Variants in RTN4 observed in about 807,000 individuals in gnomAD.
RTN4 encodes reticulon-4.
RTN4 carries 32 observed loss-of-function variants against 90.4 expected under a neutral mutation model. The ratio of observed to expected loss-of-function variants is 0.35; its 90% CI spans 0.27 to 0.48. The LOEUF is 0.48. Among genes scored for constraint, RTN4 ranks in the 20% least tolerant of loss-of-function variants. The probability of loss-of-function intolerance (pLI) is 0.99; values close to 1 mark genes in which losing one functional copy is unlikely to be tolerated. For synonymous variants in RTN4, 629 were observed against 552.5 expected, an observed-to-expected ratio of 1.14 and a Z score of -1.94; for missense variants, 1,706 against 1,430.2, an observed-to-expected ratio of 1.19 and a Z score of -3.11.
At chr2:54,997,389 G>A (rs757717461) in intron 3 of RTN4, among the ~76,000 whole-genome samples, 1 of 152,150 alleles carries the variant, frequency 6.6e-6, no homozygotes, top group Admixed American at 6.5e-5. Context: ...AAGATTAGAA[G>A]CCTCATAGAT....
At chr2:55,085,217 T>C (rs1027858301) in intron 1 of RTN4, among the ~76,000 whole-genome samples, 1 of 152,198 alleles carries the variant, frequency 6.6e-6, no homozygotes, top group African/African-American at 2.4e-5. Context: ...ACAGGAGATA[T>C]ATACACACAC....
intron 1 of RTN4, among the ~76,000 whole-genome samples, chr2:55,039,517 G>A (rs768117345): frequency 8.5e-5 from 13 of 152,256 alleles, no homozygotes; most frequent in East Asian, 3.9e-4. Flanking sequence ...GGCCAGGCGC[G>A]CTCGCTCACA....
intron 3 of RTN4, among the ~76,000 whole-genome samples, chr2:55,008,900 G>A (rs1187059800): frequency 3.3e-5 from 5 of 152,132 alleles, no homozygotes; most frequent in East Asian, 1.9e-4. Flanking sequence ...AATCTGTAAC[G>A]TCAACGGCTA....
upstream of RTN4, among the ~76,000 whole-genome samples, chr2:55,053,641 A>G: frequency 6.6e-6 from 1 of 151,642 alleles, no homozygotes. Flanking sequence ...AGCCAAGATC[A>G]TGCCATTGCA....
intron 1 of RTN4, among the ~76,000 whole-genome samples, chr2:55,030,773 T>C (rs1682247387): frequency 6.6e-6 from 1 of 152,364 alleles, no homozygotes; most frequent in African/African-American, 2.4e-5. Flanking sequence ...CTTCATCTTC[T>C]GAAGGATGTA....
chr2:55,093,494 T>G (rs1668977468), intron 1 of RTN4, among the ~76,000 whole-genome samples: 1 of 152,034 alleles, frequency 6.6e-6, no homozygotes, highest in East Asian at 1.9e-4. Flanking sequence ...AGGTGTTTAT[T>G]ATGCTGAGGG....
At chr2:55,044,581 TAAAAC>T (rs1207774992) in intron 1 of RTN4, among the ~76,000 whole-genome samples, 2 of 152,166 alleles carry the variant, frequency 1.3e-5, no homozygotes, top group African/African-American at 2.4e-5. Flanking sequence ...TAACTACACA[TAAAAC>T]AAAGCCAATT....
intron 2 of RTN4, among the ~76,000 whole-genome samples, chr2:55,076,185 C>T (rs543653087): frequency 5.9e-5 from 9 of 152,088 alleles, no homozygotes; most frequent in African/African-American, 1.2e-4. Flanking sequence ...TCTATACATC[C>T]GACAAATGAC....
intron 1 of RTN4, among the ~76,000 whole-genome samples, chr2:55,031,337 A>C (rs1421810953): frequency 6.6e-6 from 1 of 152,218 alleles, no homozygotes; most frequent in African/African-American, 2.4e-5. Flanking sequence ...TACAGAGAGA[A>C]GCCTAAGAAT....
intron 1 of RTN4, among the ~76,000 whole-genome samples, chr2:55,095,323 C>CAAA (rs1328611450): frequency 5.8e-5 from 8 of 138,832 alleles, no homozygotes; most frequent in African/African-American, 1.8e-4. Context: ...GATCCTGTCT[C>CAAA]AAAAAAAAAA....
chr2:55,079,759 C>T (rs1668675254), intron 2 of RTN4, among the ~76,000 whole-genome samples: 2 of 152,062 alleles, frequency 1.3e-5, no homozygotes, highest in Non-Finnish European at 2.9e-5. Context: ...AGGGATGATG[C>T]CTAGGAATAA....
At chr2:55,007,251 T>G (rs1467688360) in intron 3 of RTN4, among the ~76,000 whole-genome samples, 2 of 152,174 alleles carry the variant, frequency 1.3e-5, no homozygotes, top group African/African-American at 4.8e-5. Flanking sequence ...TCTTCCTTCC[T>G]ATTTCAGGCC....
chr2:55,006,528 C>T (rs989118786), intron 3 of RTN4, among the ~76,000 whole-genome samples: 8 of 152,212 alleles, frequency 5.3e-5, no homozygotes, highest in Admixed American at 6.5e-5. Flanking sequence ...AATCTCTACA[C>T]GGAAGTATGC....
chr2:55,002,879 T>C (rs1264067064), intron 3 of RTN4, among the ~76,000 whole-genome samples: 1 of 152,210 alleles, frequency 6.6e-6, no homozygotes, highest in Non-Finnish European at 1.5e-5. Flanking sequence ...ATTAAGTTAC[T>C]AGAATTGATC....
chr2:55,127,631 C>T, the RTN4 span, among the ~76,000 whole-genome samples: 1 of 152,192 alleles, frequency 6.6e-6, no homozygotes, highest in Admixed American at 6.5e-5. Flanking sequence ...TGGGGTAATT[C>T]CCATTTTCAG....
chr2:55,137,506 T>C, the RTN4 span, among the ~76,000 whole-genome samples: 18 of 152,166 alleles, frequency 1.2e-4, 1 homozygote, highest in African/African-American at 3.6e-4. Flanking sequence ...GTGCAGGAAA[T>C]GGTGACTGAC....
chr2:54,975,868 A>C (rs968683742), intron 5 of RTN4, among the ~76,000 whole-genome samples: 3 of 152,354 alleles, frequency 2.0e-5, no homozygotes, highest in South Asian at 4.1e-4. Context: ...CTAATGTTCA[A>C]GTCAGTAAAT....
intron 4 of RTN4, among the ~76,000 whole-genome samples, chr2:54,985,455 T>C (rs918070601): frequency 4.6e-5 from 7 of 152,160 alleles, no homozygotes; most frequent in East Asian, 1.9e-4. Context: ...CCAACACGTT[T>C]GGCTGGCTCT....
In RTN4 at chr2:55,026,347, T is replaced by G. The variant is rs201574587; in HGVS notation, c.1752A>C (p.Glu584Asp). The G allele has an allele frequency of 3.1e-5, 50 of 1,613,862 alleles. No homozygotes were observed. In the Admixed American group the frequency reaches 3.5e-4, roughly 11 times the overall value. The change falls in exon 3 of 9, where the codon GAA (glutamate) becomes GAC (aspartate). Residue 584 changes from glutamate to aspartate, a missense_variant. Physicochemically the swap from Glu to Asp is conservative, Grantham distance 45 (BLOSUM62 2). Transcript: ENST00000337526. ...ETKMDLVQTS[E>D]VMQESLYPAA... ...CAGGATAGAGTGACTCTTGCATAAC[T>G]TCTGATGTTTGAACCAAGTCCATTT...
Sources: gnomAD v4.1 joint callset for allele counts (sites outside exome capture counted in the v4.1 genomes callset) on GRCh38, gnomAD v4.1.1 for gene constraint, MANE v1.5 for transcripts, NCBI Gene and HGNC (gene_info 2026-07-23, HGNC 2026-07-21) for gene names.